The following COA8 variants were observed in gnomAD, a reference collection of about 807,000 sequenced individuals.
The protein encoded by COA8 is UPF0671 protein C14orf153.
COA8 carries 20 observed loss-of-function variants against 22.0 expected under a neutral mutation model. The ratio of observed to expected loss-of-function variants is 0.91; its 90% CI spans 0.64 to 1.32. COA8 has a LOEUF of 1.32. Ranked by LOEUF, COA8 falls within the 40% of genes most tolerant of loss-of-function variation. The probability of loss-of-function intolerance (pLI) is 0.00; values close to 1 mark genes in which losing one functional copy is unlikely to be tolerated. For synonymous variants in COA8, 105 were observed against 79.9 expected (o/e 1.31, Z -1.68); for missense variants, 266 against 230.0 (o/e 1.16, Z -1.01).
At chr14:103,573,707 C>T (rs1566980423) in intron 2 of COA8, among the ~76,000 whole-genome samples, 1 of 152,090 alleles carries the variant, frequency 6.6e-6, no homozygotes, top group Non-Finnish European at 1.5e-5. Flanking sequence ...TGCCCACCAT[C>T]ACATTGGGCT....
chr14:103,587,662 C>T (rs2076319408), intron 4 of COA8, among the ~76,000 whole-genome samples: 1 of 151,946 alleles, frequency 6.6e-6, no homozygotes, highest in Middle Eastern at 3.4e-3. Flanking sequence ...CACCCGCCAG[C>T]ACGCCTGGCT....
intron 2 of COA8, among the ~76,000 whole-genome samples, chr14:103,572,563 C>T (rs1247781762): frequency 6.6e-6 from 1 of 151,970 alleles, no homozygotes; most frequent in Non-Finnish European, 1.5e-5. Flanking sequence ...AACCTTATCT[C>T]TACTAAAAAT....
chr14:103,568,570 C>CGT (rs199610098), intron 1 of COA8, among the ~76,000 whole-genome samples: 40 of 91,784 alleles, frequency 4.4e-4, no homozygotes, highest in African/African-American at 1.3e-3. Flanking sequence ...CACATATATA[C>CGT]GTGTGTGTGT....
intron 2 of COA8, 116 bp downstream of exon 2, chr14:103,571,936 G>A (rs2076190562): frequency 3.6e-6 from 3 of 829,126 alleles, no homozygotes; most frequent in Non-Finnish European, 3.7e-6. Context: ...GACCATCCTG[G>A]CTAACACGGT....
Position 103,574,103 on chromosome 14 carries a change from T to TTTTTTTGA in COA8, c.322-4_322-3insTTTTTTGA. 1 of 1,484,222 alleles carries TTTTTTTGA rather than the reference T, an allele frequency of 6.7e-7. No homozygotes were observed. The highest frequency in any genetic ancestry group is 9.0e-7 in the Non-Finnish European group (1 of 1,115,540). 91.9% of individuals were successfully genotyped at this position (1,484,222 alleles called of 1,614,324 possible). ...CTTTTTTTTTTTTTTTTTTTTTTTTTAAGGAAAAAGAAGAATTTATTCACT... is the reference window on the plus strand; with the variant it reads ...CTTTTTTTTTTTTTTTTTTTTTTTTTTTTTTTGAAAGGAAAAAGAAGAATTTATTCACT... On this transcript the variant is annotated splice_polypyrimidine_tract_variant and splice_region_variant and intron_variant, in intron 2 of 4. Coordinates refer to ENST00000409074, the MANE Select transcript of COA8 (RefSeq NM_001370595.2).
intron 1 of COA8, among the ~76,000 whole-genome samples, chr14:103,568,084 C>G (rs1196160847): frequency 1.3e-5 from 2 of 152,164 alleles, no homozygotes; most frequent in South Asian, 2.1e-4. Flanking sequence ...GATGGGAACT[C>G]AAAGCCTTTA....
At chr14:103,586,395 A>T (rs1343211442) in intron 3 of COA8, among the ~76,000 whole-genome samples, 2 of 150,930 alleles carry the variant, frequency 1.3e-5, no homozygotes, top group African/African-American at 2.4e-5. Flanking sequence ...TTTTGGAGAG[A>T]TGAGGTCTTA....
At chr14:103,588,426 A>G in intron 4 of COA8, 1 of 369,786 alleles carries the variant, frequency 2.7e-6, no homozygotes, top group Non-Finnish European at 4.8e-6. Flanking sequence ...CCTGGATGGC[A>G]GACAGAGTAA....
At chr14:103,565,078 T>G (rs1371662355) in intron 1 of COA8, among the ~76,000 whole-genome samples, 2 of 152,126 alleles carry the variant, frequency 1.3e-5, no homozygotes. Context: ...CGCAGCCTCC[T>G]GAGTATAGCT....
intron 3 of COA8, among the ~76,000 whole-genome samples, chr14:103,585,775 C>A (rs991995286): frequency 1.8e-4 from 27 of 152,024 alleles, no homozygotes; most frequent in African/African-American, 6.5e-4. Flanking sequence ...GGGGTTTCAC[C>A]ATGTTGGCCA....
chr14:103,563,151 C>A (rs1221774930), intron 1 of COA8, 27 bp downstream of exon 1: 2 of 1,539,368 alleles, frequency 1.3e-6, no homozygotes, highest in Admixed American at 1.9e-5. Context: ...GGACATTGGG[C>A]CGGGAGGGGT....
chr14:103,584,034 T>TTTTG lies in COA8; in HGVS notation c.386-3224_386-3221dup, dbSNP rs567440513. On this transcript the variant is annotated intron_variant, in intron 3 of 4. Coordinates refer to ENST00000409074, the MANE Select transcript of COA8 (RefSeq NM_001370595.2). ...CTGGGCATGCCATCCTCCCAGCACCTTTTGTTTGTTTGTTTGTTTTTTTGA... is the reference window on the plus strand; with the variant it reads ...CTGGGCATGCCATCCTCCCAGCACCTTTTGTTTGTTTGTTTGTTTGTTTTTTTGA... 3.9e-4 allele frequency among the ~76,000 whole-genome samples: 60 copies of TTTTG among 152,162 alleles called. 1 individual carries two copies. Among genetic ancestry groups the TTTTG allele is most frequent in the Admixed American group, 7.9e-4 (12 of 15,266 alleles).
Position 103,590,334 on chromosome 14 carries a change from T to G in COA8, c.*48T>G, listed in dbSNP as rs1595153572. On this transcript the variant is annotated 3_prime_UTR_variant, in exon 5 of 5. Coordinates refer to ENST00000409074, the MANE Select transcript of COA8 (RefSeq NM_001370595.2). The stretch of plus-strand genomic sequence containing the variant: ...AGTCCAGGTTTCCACAGGAAGCAGA[T>G]GGAGCTCCTTTCACAGGGGCTCTGA... 1 of 1,509,948 alleles carries G rather than the reference T, an allele frequency of 6.6e-7. No individual in the cohort carries two copies. The highest frequency in any genetic ancestry group is 9.1e-7 in the Non-Finnish European group (1 of 1,095,038). The allele number at this position is 1,509,948 out of a possible 1,614,324, so 93.5% of individuals were successfully genotyped here.
At chr14:103,587,749 C>T (rs1273084047) in intron 4 of COA8, among the ~76,000 whole-genome samples, 3 of 151,722 alleles carry the variant, frequency 2.0e-5, no homozygotes, top group African/African-American at 4.8e-5. Context: ...CCTCGTGATC[C>T]GCCTGCCTTG....
intron 3 of COA8, chr14:103,574,476 T>TAAAA: frequency 1.8e-6 from 1 of 552,304 alleles, no homozygotes; most frequent in East Asian, 4.4e-5. Context: ...AAGCAGCTTT[T>TAAAA]CTTCTGATTC....
intron 3 of COA8, among the ~76,000 whole-genome samples, chr14:103,584,049 T>C (rs1372491662): frequency 6.6e-6 from 1 of 152,158 alleles, no homozygotes; most frequent in African/African-American, 2.4e-5. Flanking sequence ...TTTGTTTGTT[T>C]GTTTTTTTGA....
At chr14:103,587,415 T>G (rs149706370) in intron 4 of COA8, 51 bp downstream of exon 4, 1 of 1,289,818 alleles carries the variant, frequency 7.8e-7, no homozygotes, top group African/African-American at 1.5e-5. Context: ...CCAGATTAGG[T>G]AGGAGTGTTT....
chr14:103,568,601 G>GTA (rs200895984), intron 1 of COA8, among the ~76,000 whole-genome samples: 30 of 123,810 alleles, frequency 2.4e-4, no homozygotes, highest in Admixed American at 1.1e-3. Flanking sequence ...ATATGTATAC[G>GTA]TATATATATA....
At chr14:103,571,518 C>A in intron 1 of COA8, 105 bp from the exon 2 acceptor site, 2 of 1,172,462 alleles carry the variant, frequency 1.7e-6, no homozygotes, top group Non-Finnish European at 2.4e-6. Context: ...AGTCTGGCAA[C>A]AGAGCGAGAC....
Sources: gnomAD v4.1 joint callset for allele counts (sites outside exome capture counted in the v4.1 genomes callset) on GRCh38, gnomAD v4.1.1 for gene constraint, MANE v1.5 for transcripts, NCBI Gene and HGNC (gene_info 2026-07-23, HGNC 2026-07-21) for gene names.